Variants in GGH observed in about 807,000 individuals in gnomAD.
GGH encodes gamma-glutamyl hydrolase.
Under a neutral mutation model 39.2 loss-of-function variants are expected in GGH, and 18 were observed. The observed-to-expected ratio is 0.46, with a 90% CI of 0.32 to 0.68. GGH has a LOEUF of 0.68. GGH is among the 30% of genes least tolerant of loss of function. The pLI, the probability that GGH is intolerant of heterozygous loss-of-function variation, is 0.04. For synonymous variants in GGH, 147 were observed against 138.8 expected (o/e 1.06, Z -0.42); for missense variants, 367 against 384.1 (o/e 0.96, Z 0.37).
chr8:63,027,933 T>C (rs57863684), intron 3 of GGH, among the ~76,000 whole-genome samples: 36,617 of 151,968 alleles, frequency 0.24, 4,608 homozygotes, highest in East Asian at 0.42. Flanking sequence ...TGTTTTTATA[T>C]CAACTTTTAA....
intron 2 of GGH, among the ~76,000 whole-genome samples, chr8:63,034,602 G>A (rs13248452): frequency 0.26 from 40,083 of 152,002 alleles, 5,845 homozygotes; most frequent in East Asian, 0.62. Context: ...GCTCCTTCCA[G>A]ATGAAAAATA....
At chr8:63,020,817 G>A (rs185834023) in intron 7 of GGH, among the ~76,000 whole-genome samples, 4 of 152,158 alleles carry the variant, frequency 2.6e-5, no homozygotes, top group African/African-American at 9.7e-5. Context: ...CAATGCAGAG[G>A]AGCCACTGAG....
chr8:63,017,382 C>A, intron 8 of GGH, 111 bp downstream of exon 8: 1 of 664,808 alleles, frequency 1.5e-6, no homozygotes, highest in South Asian at 2.0e-5. Context: ...AAAGTTAAAC[C>A]TATAGAACTT....
At chr8:63,033,435 CAGGTTTG>C (rs1198201678) in intron 2 of GGH, among the ~76,000 whole-genome samples, 1 of 152,184 alleles carries the variant, frequency 6.6e-6, no homozygotes, top group African/African-American at 2.4e-5. Flanking sequence ...CCACCAGTGA[CAGGTTTG>C]TTACCTATTT....
rs1804697852 is a variant in GGH at position 63,026,974 on chromosome 8, G to A, written c.360+207C>T. 7.0e-6 allele frequency: 4 copies of A among 571,832 alleles called. No individual in the cohort carries two copies. In the African/African-American group the frequency reaches 7.6e-5, roughly 11 times the overall value. 35.4% of individuals were successfully genotyped at this position (571,832 alleles called of 1,614,324 possible). A position where few individuals can be genotyped will look rare whatever the true frequency, so the allele number is the denominator to read the frequency against. On this transcript the variant is annotated intron_variant, in intron 4 of 8. Coordinates refer to ENST00000260118, the MANE Select transcript of GGH (RefSeq NM_003878.3). The stretch of plus-strand genomic sequence containing the variant: ...CATCAAGAGAGGGGCAGTCAGCAGT[G>A]CTCTGAAGGGTCTCTGGAAGCCCAG...
At chr8:63,037,402 A>G (rs1014522417) in intron 1 of GGH, among the ~76,000 whole-genome samples, 6 of 152,074 alleles carry the variant, frequency 3.9e-5, no homozygotes, top group African/African-American at 1.4e-4. Context: ...AGTTCCACCA[A>G]CATCTCCCCT....
intron 7 of GGH, among the ~76,000 whole-genome samples, chr8:63,018,262 T>C (rs1804523406): frequency 6.6e-6 from 1 of 152,160 alleles, no homozygotes; most frequent in African/African-American, 2.4e-5. Context: ...TACATACTCA[T>C]GAACAATTCC....
intron 7 of GGH, among the ~76,000 whole-genome samples, chr8:63,021,230 T>C (rs1261275601): frequency 6.6e-6 from 1 of 152,232 alleles, no homozygotes; most frequent in Non-Finnish European, 1.5e-5. Context: ...TGCAGGTGTG[T>C]TCACTGATTT....
Position 63,031,380 on chromosome 8 carries a change from G to A in GGH, c.225-1163C>T, listed in dbSNP as rs559595570. On this transcript the variant is annotated intron_variant, in intron 2 of 8. Coordinates refer to ENST00000260118, the MANE Select transcript of GGH (RefSeq NM_003878.3). Reference sequence around the variant, plus strand: ...TTCTTAAGTGGAGAAAATACTGACAGGTAGCCCTGCCTTGGGAAGTGATAG... The same window carrying A: ...TTCTTAAGTGGAGAAAATACTGACAAGTAGCCCTGCCTTGGGAAGTGATAG... Among the ~76,000 whole-genome samples, 3 of 152,324 alleles carry A rather than the reference G, an allele frequency of 2.0e-5. No individual in the cohort carries two copies. The South Asian group carries it at 6.2e-4, about 32-fold the overall frequency.
intron 2 of GGH, among the ~76,000 whole-genome samples, chr8:63,035,439 G>A (rs1804886953): frequency 1.3e-5 from 2 of 152,100 alleles, no homozygotes; most frequent in African/African-American, 4.8e-5. Flanking sequence ...CCCAGTAGCT[G>A]GGATTACAGG....
intron 1 of GGH, 126 bp downstream of exon 1, chr8:63,038,534 C>G (rs1804953723): frequency 2.0e-6 from 1 of 492,888 alleles, no homozygotes; most frequent in Non-Finnish European, 3.5e-6. Flanking sequence ...CTCCTTGCAC[C>G]AAAAGCGAAG....
At position 63,015,366 on chromosome 8, in the gene GGH, A is replaced by G. The variant is rs778131378; in HGVS notation, c.923T>C (p.Ile308Thr). The G allele has an allele frequency of 4.4e-5, 62 of 1,409,874 alleles. No individual in the cohort carries two copies. The highest frequency in any genetic ancestry group is 5.7e-5 in the Admixed American group (3 of 52,462). 87.3% of individuals were successfully genotyped at this position (1,409,874 alleles called of 1,614,324 possible). A position where few individuals can be genotyped will look rare whatever the true frequency, so the allele number is the denominator to read the frequency against. The change falls in exon 9 of 9, where the codon ATT becomes ACT. Residue 308 changes from isoleucine to threonine, a missense_variant. Ile to Thr is a moderately conservative substitution (Grantham distance 89, BLOSUM62 -1). Coordinates refer to ENST00000260118, the MANE Select transcript of GGH (RefSeq NM_003878.3). ...TATGTAACATTGCTGAAATGAAGAA[A>G]TATTTCCAGTATAAATTGGACTGAA... ...YQFSPIYTGN[I>T]SSFQQCYIFD
intron 1 of GGH, among the ~76,000 whole-genome samples, chr8:63,036,058 A>G (rs1804902432): frequency 6.6e-6 from 1 of 152,164 alleles, no homozygotes. Context: ...GAATCCATCT[A>G]AAGAATATAG....
chr8:63,020,751 G>A (rs1346575852), intron 7 of GGH, among the ~76,000 whole-genome samples: 1 of 152,174 alleles, frequency 6.6e-6, no homozygotes, highest in East Asian at 1.9e-4. Flanking sequence ...CAAGCTAGAG[G>A]TGAAGGCAGG....
chr8:63,036,587 G>T (rs1406007984), intron 1 of GGH, among the ~76,000 whole-genome samples: 4 of 152,166 alleles, frequency 2.6e-5, no homozygotes, highest in Non-Finnish European at 5.9e-5. Flanking sequence ...ATCTATGTAG[G>T]AAAGGACAGT....
At chr8:63,020,659 G>A (rs1015042632) in intron 7 of GGH, among the ~76,000 whole-genome samples, 1 of 152,198 alleles carries the variant, frequency 6.6e-6, no homozygotes, top group African/African-American at 2.4e-5. Context: ...CAGAGAAGAG[G>A]AAAGCACATG....
chr8:63,016,437 A>T (rs1286214134), intron 8 of GGH, among the ~76,000 whole-genome samples: 2 of 152,168 alleles, frequency 1.3e-5, no homozygotes, highest in Non-Finnish European at 2.9e-5. Flanking sequence ...AGGAGAGTTG[A>T]TAAAAACTTA....
At chr8:63,021,392 A>G (rs1804582074) in intron 7 of GGH, among the ~76,000 whole-genome samples, 1 of 152,232 alleles carries the variant, frequency 6.6e-6, no homozygotes, top group South Asian at 2.1e-4. Flanking sequence ...TAAAACTGCC[A>G]GGTAACAAAA....
intron 2 of GGH, among the ~76,000 whole-genome samples, chr8:63,032,235 C>T (rs1804820210): frequency 6.6e-6 from 1 of 151,992 alleles, no homozygotes; most frequent in African/African-American, 2.4e-5. Context: ...GGGGTTTTTC[C>T]ATGTTGCCCA....
Sources: allele counts gnomAD v4.1 joint callset (sites outside exome capture counted in the v4.1 genomes callset), GRCh38; gene constraint gnomAD v4.1.1; transcripts MANE v1.5; gene names NCBI Gene and HGNC (gene_info 2026-07-23, HGNC 2026-07-21).